RBFOX1: variants seen among roughly 807,000 people sequenced by gnomAD.
RBFOX1 encodes the protein RNA binding fox-1 homolog 1.
A neutral mutation model predicts 57.7 loss-of-function variants in RBFOX1; 8 were observed. The ratio of observed to expected loss-of-function variants is 0.14; its 90% CI spans 0.08 to 0.25. RBFOX1 has a LOEUF of 0.25. Ranked by LOEUF, RBFOX1 falls within the 10% of genes least tolerant of loss-of-function variation. RBFOX1 has a pLI of 1.00. For missense variants in RBFOX1, 611 were observed against 548.5 expected (o/e 1.11, Z -1.14); for synonymous variants, 326 against 222.4 (o/e 1.47, Z -4.15).
rs1163973300 is a variant in RBFOX1 at position 7,712,031 on chromosome 16, AAAG to A, written c.*1289_*1291del. 6.6e-6 allele frequency: 1 copy of A among 151,948 alleles called. No homozygotes were observed. The highest frequency in any genetic ancestry group is 2.5e-5 in the African/African-American group (1 of 40,816). The allele number at this position is 151,948 out of a possible 1,614,324, so 9.4% of individuals were successfully genotyped here. A position where few individuals can be genotyped will look rare whatever the true frequency, so the allele number is the denominator to read the frequency against. ...GGACACTTGTCAGAAGGATGCAAAA[AAAG>A]AAAAAAGTACATCCACCCTCTTAAT... On this transcript the variant is annotated 3_prime_UTR_variant, in exon 16 of 16. Coordinates refer to ENST00000550418, the MANE Select transcript of RBFOX1 (RefSeq NM_018723.4).
chr16:6,785,341 A>C (rs1200250248), intron 3 of RBFOX1, among the ~76,000 whole-genome samples: 3 of 152,184 alleles, frequency 2.0e-5, no homozygotes, highest in Non-Finnish European at 4.4e-5. Context: ...TGGTTCAGCA[A>C]ATTTCCCAGT....
chr16:6,807,050 T>C (rs1232523553), intron 3 of RBFOX1, among the ~76,000 whole-genome samples: 1 of 151,642 alleles, frequency 6.6e-6, no homozygotes, highest in African/African-American at 2.4e-5. Flanking sequence ...GCCAGGCTGG[T>C]CTTGAACTCC....
intron 3 of RBFOX1, among the ~76,000 whole-genome samples, chr16:6,957,335 G>A (rs576882766): frequency 6.6e-6 from 1 of 152,030 alleles, no homozygotes; most frequent in South Asian, 2.1e-4. Flanking sequence ...GTTTCACCAT[G>A]TTAGCCAGGA....
At chr16:5,787,341 T>G (rs1056630493) in intron 3 of RBFOX1, among the ~76,000 whole-genome samples, 1 of 152,152 alleles carries the variant, frequency 6.6e-6, no homozygotes, top group Admixed American at 6.5e-5. Context: ...CACAGTGAAT[T>G]AGACAGAAGA....
At chr16:5,640,284 G>A (rs566068825) in intron 3 of RBFOX1, among the ~76,000 whole-genome samples, 2 of 152,302 alleles carry the variant, frequency 1.3e-5, no homozygotes, top group South Asian at 2.1e-4. Flanking sequence ...CGGTCTGAAA[G>A]TACTGTGAAT....
intron 3 of RBFOX1, among the ~76,000 whole-genome samples, chr16:6,968,098 A>G (rs1259641811): frequency 2.0e-5 from 3 of 151,938 alleles, no homozygotes; most frequent in Non-Finnish European, 4.4e-5. Flanking sequence ...ACTGGAATGG[A>G]TCTGTGGCTC....
chr16:6,848,221 G>A (rs894765768), intron 3 of RBFOX1, among the ~76,000 whole-genome samples: 1 of 152,028 alleles, frequency 6.6e-6, no homozygotes, highest in African/African-American at 2.4e-5. Context: ...ACCATGGTGA[G>A]CTCGGGCCCA....
chr16:6,123,128 T>C (rs962451170), intron 1 of RBFOX1, among the ~76,000 whole-genome samples: 1 of 152,208 alleles, frequency 6.6e-6, no homozygotes, highest in Non-Finnish European at 1.5e-5. Context: ...AATTGCCTTA[T>C]GATGCAGCAT....
At chr16:7,195,942 C>A (rs1214742839) in intron 4 of RBFOX1, among the ~76,000 whole-genome samples, 1 of 151,814 alleles carries the variant, frequency 6.6e-6, no homozygotes, top group African/African-American at 2.4e-5. Context: ...ATGATTTTTT[C>A]TTTCATTCTC....
At chr16:5,529,409 T>A (rs887125724) in intron 2 of RBFOX1, among the ~76,000 whole-genome samples, 6 of 147,616 alleles carry the variant, frequency 4.1e-5, no homozygotes, top group African/African-American at 1.5e-4. Context: ...TTTTTTTTTT[T>A]AATTTGAGAC....
At chr16:7,343,022 G>C (rs905377618) in intron 4 of RBFOX1, among the ~76,000 whole-genome samples, 1 of 152,152 alleles carries the variant, frequency 6.6e-6, no homozygotes, top group East Asian at 1.9e-4. Context: ...GTTGCAGGAC[G>C]GGGAGGGTGG....
At chr16:7,300,807 T>C (rs936163980) in intron 4 of RBFOX1, among the ~76,000 whole-genome samples, 1 of 152,188 alleles carries the variant, frequency 6.6e-6, no homozygotes, top group Admixed American at 6.5e-5. Context: ...CCTAAGGAAG[T>C]TTCATTTGAA....
At chr16:7,005,439 T>C (rs1283238552) in intron 3 of RBFOX1, among the ~76,000 whole-genome samples, 1 of 152,220 alleles carries the variant, frequency 6.6e-6, no homozygotes, top group African/African-American at 2.4e-5. Flanking sequence ...GAGAAAAGTT[T>C]CTGGGTTATG....
In RBFOX1 at chr16:6,592,452, G is replaced by C. The variant is rs1202834980; in HGVS notation, c.-63-62151G>C. On this transcript the variant is annotated intron_variant, in intron 2 of 15. Transcript: ENST00000550418. ...CATATGGGAGGGTGCATTTTACATGGCAAGAATTGTGCAGTCCTAAGAAAT... is the reference window on the plus strand; with the variant it reads ...CATATGGGAGGGTGCATTTTACATGCCAAGAATTGTGCAGTCCTAAGAAAT... Among the ~76,000 whole-genome samples, 5 of 152,254 alleles carry C rather than the reference G, an allele frequency of 3.3e-5. No individual in the cohort carries two copies. The East Asian group carries it at 5.8e-4, about 18-fold the overall frequency.
chr16:6,478,416 T>TAC (rs2095312713), intron 2 of RBFOX1, among the ~76,000 whole-genome samples: 1 of 24,824 alleles, frequency 4.0e-5, no homozygotes, highest in Non-Finnish European at 6.8e-5. Context: ...TATATATATA[T>TAC]ATATATATAT....
chr16:7,081,070 T>G (rs1389884114), intron 4 of RBFOX1, among the ~76,000 whole-genome samples: 2 of 152,216 alleles, frequency 1.3e-5, no homozygotes, highest in East Asian at 1.9e-4. Context: ...AGTCTCACTC[T>G]GTCACCAAGG....
chr16:5,955,236 A>G (rs529124807), intron 4 of RBFOX1, among the ~76,000 whole-genome samples: 31 of 147,878 alleles, frequency 2.1e-4, no homozygotes, highest in Non-Finnish European at 4.6e-4. Flanking sequence ...AGCCAAGATT[A>G]TGCCATTGCA....
At chr16:7,710,220 ATTCAACAACTCTGC>A in intron 15 of RBFOX1, 2 of 1,043,020 alleles carry the variant, frequency 1.9e-6, no homozygotes, top group Non-Finnish European at 2.3e-6. Flanking sequence ...CCAATTCTGC[ATTCAACAACTCTGC>A]TTCAACACCT....
chr16:7,091,732 C>A (rs1006463222), intron 4 of RBFOX1, among the ~76,000 whole-genome samples: 1 of 152,170 alleles, frequency 6.6e-6, no homozygotes, highest in South Asian at 2.1e-4. Flanking sequence ...GGGGAGCCTC[C>A]TCTGAATTCT....
Sources: allele counts gnomAD v4.1 joint callset (sites outside exome capture counted in the v4.1 genomes callset), GRCh38; gene constraint gnomAD v4.1.1; transcripts MANE v1.5; gene names NCBI Gene and HGNC (gene_info 2026-07-23, HGNC 2026-07-21).